The following SEMA4G variants were observed in gnomAD, a reference collection of about 807,000 sequenced individuals.
SEMA4G encodes the protein semaphorin-4G.
SEMA4G carries 59 observed loss-of-function variants against 81.2 expected under a neutral mutation model. The observed-to-expected ratio is 0.73, with a 90% CI of 0.59 to 0.90. SEMA4G has a LOEUF of 0.90. Among genes scored for constraint, SEMA4G ranks in the 40% least tolerant of loss-of-function variants. The pLI, the probability that SEMA4G is intolerant of heterozygous loss-of-function variation, is 0.00. For synonymous variants in SEMA4G, 404 were observed against 433.9 expected, an observed-to-expected ratio of 0.93 and a Z score of 0.86; for missense variants, 952 against 1,102.3, an observed-to-expected ratio of 0.86 and a Z score of 1.93.
chr10:100,980,037 G>A lies in SEMA4G; in HGVS notation c.1128+45G>A, dbSNP rs542254749. The A allele has an allele frequency of 5.0e-6, 8 of 1,613,830 alleles. 1 individual carries two copies. The South Asian group carries it at 8.8e-5, about 18-fold the overall frequency. On this transcript the variant is annotated intron_variant, in intron 9 of 13. Coordinates refer to ENST00000370250, the Ensembl canonical transcript of SEMA4G. The stretch of plus-strand genomic sequence containing the variant: ...GCCAGTGCTGAGTAGACAGAGCCCA[G>A]GGAAGGGTCAAAGGGTCTGGCCTTG...
rs1445693261 is a variant in SEMA4G, at chr10:100,973,259, A to T, written c.255A>T (p.Gly85=). The T allele has an allele frequency of 2.5e-6, 4 of 1,613,044 alleles. No homozygotes were observed. The highest frequency in any genetic ancestry group is 2.7e-5 in the African/African-American group (2 of 74,906). The change falls in exon 2 of 14, where the codon GGA becomes GGT. Residue 85 remains glycine (G), a synonymous_variant. Coordinates refer to ENST00000370250, the Ensembl canonical transcript of SEMA4G. The surrounding 1 kb of genome is among the most constrained non-coding windows in gnomAD (Gnocchi z 5.5). Reference sequence around the variant, plus strand: ...TCTCTCTCAGTGCCAACGACATAGGAGATGGGGCTCACAAAGAGGTCAGGC... The same window carrying T: ...TCTCTCTCAGTGCCAACGACATAGGTGATGGGGCTCACAAAGAGGTCAGGC...
At chr10:100,981,648 C>T (rs2133891314) in intron 13 of SEMA4G, 1 of 1,376,578 alleles carries the variant, frequency 7.3e-7, no homozygotes, top group Non-Finnish European at 1.0e-6. Context: ...CATCTACTGT[C>T]ACAGCATTCT....
upstream of SEMA4G, among the ~76,000 whole-genome samples, chr10:100,971,973 G>C (rs1160140942): frequency 6.6e-6 from 1 of 152,182 alleles, no homozygotes; most frequent in Non-Finnish European, 1.5e-5. Context: ...CTAGCCAGAG[G>C]GTGCAATACA....
chr10:100,979,721 C>T (rs1850965456), intron 8 of SEMA4G, 127 bp from the exon 10 acceptor site: 6 of 1,082,060 alleles, frequency 5.5e-6, no homozygotes, highest in East Asian at 4.7e-5. Context: ...CACTGACTCA[C>T]AGGAGAGGCC....
exon 14 of SEMA4G, chr10:100,983,627 T>C (rs1851248197): frequency 1.2e-6 from 2 of 1,613,910 alleles, no homozygotes; most frequent in South Asian, 2.2e-5. Flanking sequence ...AGCTGGCACC[T>C]GATGTGAGAC....
At chr10:100,978,457 C>A in intron 5 of SEMA4G, 69 bp downstream of exon 6, 2 of 1,592,288 alleles carry the variant, frequency 1.3e-6, no homozygotes, top group African/African-American at 1.3e-5. Context: ...CTAGGACCTG[C>A]CACCATGTAT....
At chr10:100,980,084 G>A (rs34389611) in intron 9 of SEMA4G, 38 bp from the exon 11 acceptor site, 170,364 of 1,612,880 alleles carry the variant, frequency 0.11, 9,881 homozygotes, top group Non-Finnish European at 0.12. Flanking sequence ...GGCAGGTGGT[G>A]GAGTCCCGAG....
chr10:100,985,054 C>T (rs979738620), downstream of SEMA4G: 13 of 771,530 alleles, frequency 1.7e-5, no homozygotes, highest in African/African-American at 3.5e-5. Flanking sequence ...GAGGGAGATC[C>T]CCCTCCCATT....
At position 100,976,833 on chromosome 10, in the gene SEMA4G, A is replaced by G. The variant is rs1025690647; in HGVS notation, c.337-799A>G. On this transcript the variant is annotated intron_variant, in intron 3 of 13. Transcript: ENST00000370250. The stretch of plus-strand genomic sequence containing the variant: ...AGTTTTATACTATGTACATGTATTC[A>G]TTGACTGAATAAATAGCTTTATAAA... 3.3e-5 allele frequency among the ~76,000 whole-genome samples: 5 copies of G among 152,212 alleles called. No homozygotes were observed. The East Asian group carries it at 9.6e-4, about 29-fold the overall frequency.
chr10:100,970,832 G>T (rs955484784), upstream of SEMA4G, among the ~76,000 whole-genome samples: 1 of 152,170 alleles, frequency 6.6e-6, no homozygotes, highest in Admixed American at 6.5e-5. Context: ...CAATGGGTTT[G>T]TGTGCATGTC....
rs774700812 is a variant in SEMA4G, at chr10:100,973,024, A to G, written c.112A>G (p.Ile38Val). 2 of 1,614,108 alleles carry G rather than the reference A, an allele frequency of 1.2e-6. No homozygotes were observed. The highest frequency in any genetic ancestry group is 1.1e-5 in the South Asian group (1 of 91,082). ...ACTAGATGCCACCCCTCGGATGACC[A>G]TACCCTATGAAGGTTAGACCCTCAA... is the stretch of plus-strand genomic sequence containing the variant. The change falls in exon 1 of 14, where the codon ATA becomes GTA. Residue 38 changes from isoleucine (I) to valine (V), a missense_variant. Coordinates refer to ENST00000370250, the Ensembl canonical transcript of SEMA4G. The surrounding 1 kb of genome is among the most constrained non-coding windows in gnomAD (Gnocchi z 5.5).
chr10:100,980,759 G>A, intron 11 of SEMA4G, 63 bp from the exon 13 acceptor site: 1 of 1,605,372 alleles, frequency 6.2e-7, no homozygotes, highest in Non-Finnish European at 8.5e-7. Context: ...GGGAGGTTGG[G>A]CAGAGGCTGT....
downstream of SEMA4G, chr10:100,985,312 G>T (rs1377821148): frequency 5.4e-5 from 9 of 167,174 alleles, no homozygotes; most frequent in Non-Finnish European, 1.2e-4. Flanking sequence ...GGGGCCAGGG[G>T]CCTCTGAAGT....
chr10:100,977,706 C>G (rs1850861612), exon 4 of SEMA4G: 20 of 1,613,900 alleles, frequency 1.2e-5, no homozygotes, highest in Non-Finnish European at 1.4e-5. Context: ...GGACTCACGC[C>G]TTCCAGCCCC....
At chr10:100,969,766 G>A (rs1316959859), upstream of SEMA4G, 1 of 431,652 alleles carries the variant, frequency 2.3e-6, no homozygotes, top group Non-Finnish European at 4.8e-6. Flanking sequence ...GCCAGGCCTC[G>A]GGCTGCGCGG....
At chr10:100,983,267 G>C (rs935873592) in intron 13 of SEMA4G, 38 bp from the exon 15 acceptor site, 4 of 1,474,858 alleles carry the variant, frequency 2.7e-6, no homozygotes, top group East Asian at 2.5e-5. Flanking sequence ...TCCCTTCCTG[G>C]GACGGGCTGG....
At chr10:100,977,969 G>A in intron 4 of SEMA4G, 1 of 571,130 alleles carries the variant, frequency 1.8e-6, no homozygotes, top group Non-Finnish European at 3.1e-6. Flanking sequence ...CCTCCACCTG[G>A]CAAACTTCAT....
chr10:100,971,156 C>T (rs761574780), upstream of SEMA4G, among the ~76,000 whole-genome samples: 2 of 152,324 alleles, frequency 1.3e-5, no homozygotes, highest in Middle Eastern at 3.4e-3. Flanking sequence ...GCATGTATAT[C>T]ACCTTCCTAA....
exon 14 of SEMA4G, chr10:100,984,193 G>C: frequency 2.0e-6 from 3 of 1,538,234 alleles, no homozygotes; most frequent in Non-Finnish European, 2.6e-6. Context: ...CTGGGCCACT[G>C]CCTCCCTAAC....
Sources: allele counts gnomAD v4.1 joint callset (sites outside exome capture counted in the v4.1 genomes callset), GRCh38; gene constraint gnomAD v4.1.1; non-coding constraint Gnocchi (gnomAD v3.1); transcripts MANE v1.5; gene names NCBI Gene and HGNC (gene_info 2026-07-23, HGNC 2026-07-21).